FYB1: variants seen among roughly 807,000 people sequenced by gnomAD.
FYB1 encodes FYN-binding protein 1.
In FYB1, 41 loss-of-function variants were observed where a neutral mutation model predicts 94.1. That is an observed-to-expected ratio of 0.44 (90% CI 0.34 to 0.57). FYB1 has a LOEUF of 0.57. Ranked by LOEUF, FYB1 falls within the 20% of genes least tolerant of loss-of-function variation. The probability of loss-of-function intolerance (pLI) is 0.02; values close to 1 mark genes in which losing one functional copy is unlikely to be tolerated. For synonymous variants in FYB1, 367 were observed against 353.2 expected, an observed-to-expected ratio of 1.04 and a Z score of -0.44; for missense variants, 1,050 against 976.8, an observed-to-expected ratio of 1.07 and a Z score of -1.00.
intron 2 of FYB1, among the ~76,000 whole-genome samples, chr5:39,162,942 A>C (rs1423550005): frequency 6.6e-6 from 1 of 152,230 alleles, no homozygotes; most frequent in African/African-American, 2.4e-5. Flanking sequence ...TTAGAAGTAC[A>C]GCATCCTATT....
At chr5:39,213,263 C>T (rs372488882) in intron 1 of FYB1, among the ~76,000 whole-genome samples, 11 of 152,238 alleles carry the variant, frequency 7.2e-5, no homozygotes, top group African/African-American at 1.4e-4. Context: ...GAACCAAACC[C>T]AGGTTCTGAT....
At chr5:39,181,752 A>G (rs925789891) in intron 2 of FYB1, among the ~76,000 whole-genome samples, 4 of 152,044 alleles carry the variant, frequency 2.6e-5, no homozygotes, top group African/African-American at 4.8e-5. Context: ...CATCCACACA[A>G]CCAATCCATT....
chr5:39,223,531 T>G (rs73072553), upstream of FYB1, among the ~76,000 whole-genome samples: 4,475 of 152,330 alleles, frequency 0.029, 176 homozygotes, highest in African/African-American at 0.097. Flanking sequence ...ATCATTCAAA[T>G]GCTTCTTAAA....
chr5:39,171,754 C>T (rs185374136), intron 2 of FYB1, among the ~76,000 whole-genome samples: 3 of 152,336 alleles, frequency 2.0e-5, no homozygotes, highest in East Asian at 3.9e-4. Context: ...CCAGCTGACA[C>T]TTTCAGTTAG....
intron 1 of FYB1, among the ~76,000 whole-genome samples, chr5:39,245,602 C>CTT (rs200601347): frequency 0.089 from 12,560 of 140,904 alleles, 1,483 homozygotes; most frequent in African/African-American, 0.26. Flanking sequence ...GAGGAAGAGG[C>CTT]TTTTTTTTTT....
At chr5:39,225,459 T>A (rs1049363048) in intron 1 of FYB1, among the ~76,000 whole-genome samples, 1 of 152,190 alleles carries the variant, frequency 6.6e-6, no homozygotes, top group African/African-American at 2.4e-5. Context: ...CTCTAAACAG[T>A]CAAATATATT....
chr5:39,130,739 A>G (rs1231467239), intron 9 of FYB1, 127 bp from the exon 10 acceptor site: 4 of 706,748 alleles, frequency 5.7e-6, no homozygotes, highest in Non-Finnish European at 9.6e-6. Context: ...TTAGAATGCT[A>G]TATGTAAAGA....
upstream of FYB1, among the ~76,000 whole-genome samples, chr5:39,222,038 T>G (rs1240825735): frequency 2.0e-5 from 3 of 151,412 alleles, no homozygotes; most frequent in Non-Finnish European, 4.4e-5. Flanking sequence ...TAAAATAAAA[T>G]AAAATAAAAT....
At chr5:39,232,611 C>T (rs986071821) in intron 1 of FYB1, among the ~76,000 whole-genome samples, 3 of 151,086 alleles carry the variant, frequency 2.0e-5, no homozygotes, top group Middle Eastern at 3.4e-3. Flanking sequence ...TACATGTGCA[C>T]ATTGTGCAGG....
At chr5:39,160,879 T>G (rs1157096529) in intron 2 of FYB1, among the ~76,000 whole-genome samples, 1 of 152,212 alleles carries the variant, frequency 6.6e-6, no homozygotes, top group Non-Finnish European at 1.5e-5. Flanking sequence ...ATTGGGATCA[T>G]CATACTTCAG....
At chr5:39,174,227 G>A (rs1745501832) in intron 2 of FYB1, among the ~76,000 whole-genome samples, 1 of 152,100 alleles carries the variant, frequency 6.6e-6, no homozygotes, top group African/African-American at 2.4e-5. Flanking sequence ...ATGGGATTGT[G>A]TTCTTGATTT....
In FYB1 at chr5:39,143,509, C is replaced by T. The variant is rs78103715; in HGVS notation, c.1293-2368G>A. 2.3e-3 allele frequency among the ~76,000 whole-genome samples: 335 copies of T among 147,360 alleles called. 1 individual carries two copies. The highest frequency in any genetic ancestry group is 8.8e-3 in the African/African-American group (329 of 37,504). On this transcript the variant is annotated intron_variant, in intron 3 of 18. Coordinates refer to ENST00000512982, the MANE Select transcript of FYB1 (RefSeq NM_001465.6). ...CAGTGTCCTGGTAATCAGAATTACT[C>T]CTTCTCTTCCCTATCCTGATAGTCC...
chr5:39,258,378 T>A (rs146707311), intron 1 of FYB1, among the ~76,000 whole-genome samples: 14,087 of 152,128 alleles, frequency 0.093, 735 homozygotes, highest in Non-Finnish European at 0.11. Context: ...GGTAGGCAGA[T>A]CACCTGAGGT....
At chr5:39,184,933 C>A (rs529921963) in intron 2 of FYB1, among the ~76,000 whole-genome samples, 7 of 152,182 alleles carry the variant, frequency 4.6e-5, no homozygotes, top group Non-Finnish European at 8.8e-5. Context: ...TAATTATATG[C>A]CATGGACATC....
intron 16 of FYB1, among the ~76,000 whole-genome samples, 197 bp downstream of exon 16, chr5:39,118,677 A>T (rs1031026063): frequency 2.0e-5 from 3 of 152,216 alleles, no homozygotes; most frequent in Admixed American, 6.5e-5. Flanking sequence ...GTATATGGTA[A>T]ATAAAAAGAG....
At chr5:39,235,278 C>CTT (rs112698280) in intron 1 of FYB1, among the ~76,000 whole-genome samples, 7,821 of 146,046 alleles carry the variant, frequency 0.054, 519 homozygotes, top group African/African-American at 0.16. Context: ...CAAGGATCAG[C>CTT]TTTTTTTTTT....
At chr5:39,257,783 G>A (rs1470557907) in intron 1 of FYB1, among the ~76,000 whole-genome samples, 1 of 151,476 alleles carries the variant, frequency 6.6e-6, no homozygotes, top group African/African-American at 2.4e-5. Context: ...GACTTTGACT[G>A]GATGTTTCAA....
intron 1 of FYB1, among the ~76,000 whole-genome samples, chr5:39,232,661 C>T (rs1157118899): frequency 6.6e-6 from 1 of 151,544 alleles, no homozygotes; most frequent in Non-Finnish European, 1.5e-5. Flanking sequence ...TGGTGCACTG[C>T]ACCCACTAAC....
At chr5:39,207,303 A>C (rs762596090) in intron 1 of FYB1, among the ~76,000 whole-genome samples, 3 of 152,244 alleles carry the variant, frequency 2.0e-5, no homozygotes, top group Non-Finnish European at 2.9e-5. Context: ...ACACAGATTT[A>C]ATAGTAGAAA....
Sources: allele counts gnomAD v4.1 joint callset (sites outside exome capture counted in the v4.1 genomes callset), GRCh38; gene constraint gnomAD v4.1.1; transcripts MANE v1.5; gene names NCBI Gene and HGNC (gene_info 2026-07-23, HGNC 2026-07-21).